GMDS: variants seen among roughly 807,000 people sequenced by gnomAD.
GMDS encodes GDP-mannose 4,6 dehydratase.
In GMDS, 20 loss-of-function variants were observed where a neutral mutation model predicts 49.9. The observed-to-expected ratio is 0.40, with a 90% CI of 0.28 to 0.58. The LOEUF (loss-of-function observed/expected upper bound fraction) is 0.58. GMDS is among the 20% of genes least tolerant of loss of function. The pLI, the probability that GMDS is intolerant of heterozygous loss-of-function variation, is 0.42. For synonymous variants in GMDS, 177 were observed against 178.6 expected (o/e 0.99, Z 0.07); for missense variants, 362 against 481.4 (o/e 0.75, Z 2.32).
intron 1 of GMDS, among the ~76,000 whole-genome samples, chr6:2,226,270 G>A (rs1484875438): frequency 6.6e-6 from 1 of 152,182 alleles, no homozygotes; most frequent in Non-Finnish European, 1.5e-5. Context: ...TGAAGTCAGA[G>A]ACTCTTCTAT....
At chr6:2,076,246 C>T (rs1214987534) in intron 4 of GMDS, among the ~76,000 whole-genome samples, 6 of 152,102 alleles carry the variant, frequency 3.9e-5, no homozygotes. Context: ...TGCAGAAGCT[C>T]TTTAGATTAA....
intron 9 of GMDS, among the ~76,000 whole-genome samples, chr6:1,655,137 C>T (rs889880354): frequency 5.3e-5 from 8 of 151,626 alleles, no homozygotes; most frequent in Non-Finnish European, 8.8e-5. Context: ...CACTAACTCT[C>T]ATTTTTCTTT....
rs183130890 is a variant in GMDS, at chr6:2,057,278, T to C, written c.345+58493A>G. ...GAGACCCTCCCAGGGAGAGGTCTCA[T>C]GATAATATCTTCTACATGTAGTTCA... On this transcript the variant is annotated intron_variant, in intron 4 of 10. Transcript: ENST00000380815. Among the ~76,000 whole-genome samples the C allele has an allele frequency of 3.0e-3, 464 of 152,332 alleles. 4 individuals are homozygous for C. Among genetic ancestry groups the C allele is most frequent in the African/African-American group, 0.01 (434 of 41,578 alleles).
intron 7 of GMDS, among the ~76,000 whole-genome samples, chr6:1,771,252 C>T (rs1443938986): frequency 6.6e-6 from 1 of 152,188 alleles, no homozygotes; most frequent in Non-Finnish European, 1.5e-5. Flanking sequence ...CTGAGGATGG[C>T]TGTGCTGGGG....
intron 7 of GMDS, among the ~76,000 whole-genome samples, chr6:1,926,076 T>C (rs1761991274): frequency 6.6e-6 from 1 of 152,078 alleles, no homozygotes; most frequent in East Asian, 1.9e-4. Flanking sequence ...GAAAACCACC[T>C]TCCCACACCA....
intron 6 of GMDS, among the ~76,000 whole-genome samples, chr6:1,936,220 T>A (rs1300001854): frequency 6.6e-6 from 1 of 152,154 alleles, no homozygotes; most frequent in East Asian, 1.9e-4. Context: ...ACACTAAGAA[T>A]AAAATATCAT....
At chr6:1,821,109 A>G (rs937459851) in intron 7 of GMDS, among the ~76,000 whole-genome samples, 1 of 152,240 alleles carries the variant, frequency 6.6e-6, no homozygotes, top group African/African-American at 2.4e-5. Context: ...TAGCTATCCC[A>G]GAGTGAAAGG....
chr6:2,122,754 T>C (rs1775210005), intron 2 of GMDS, among the ~76,000 whole-genome samples: 1 of 152,216 alleles, frequency 6.6e-6, no homozygotes. Context: ...GAGCTCACAT[T>C]TCCCCTGGAC....
chr6:2,224,826 ATATT>A (rs1780746680), intron 1 of GMDS, among the ~76,000 whole-genome samples: 1 of 152,198 alleles, frequency 6.6e-6, no homozygotes, highest in East Asian at 1.9e-4. Context: ...ACATTAATGA[ATATT>A]TATTAATATT....
intron 9 of GMDS, among the ~76,000 whole-genome samples, chr6:1,666,028 C>A (rs1428538463): frequency 6.6e-6 from 1 of 152,172 alleles, no homozygotes; most frequent in Admixed American, 6.5e-5. Context: ...ACACTGACAG[C>A]CAAGTGGGTC....
At chr6:1,701,327 A>G (rs936458129) in intron 9 of GMDS, among the ~76,000 whole-genome samples, 1 of 152,232 alleles carries the variant, frequency 6.6e-6, no homozygotes, top group Admixed American at 6.5e-5. Flanking sequence ...GTCATTATGT[A>G]TACATAATGT....
chr6:2,137,927 G>A (rs1200963345), intron 1 of GMDS, among the ~76,000 whole-genome samples: 1 of 152,160 alleles, frequency 6.6e-6, no homozygotes, highest in Non-Finnish European at 1.5e-5. Context: ...ATTGTACTCT[G>A]TCCAGCTTCA....
intron 7 of GMDS, among the ~76,000 whole-genome samples, chr6:1,901,772 T>C (rs760970991): frequency 2.6e-5 from 4 of 152,206 alleles, no homozygotes; most frequent in Non-Finnish European, 4.4e-5. Flanking sequence ...GCTCATCCTA[T>C]GTGCTTGTTA....
At chr6:2,198,875 A>C (rs1779387587) in intron 1 of GMDS, among the ~76,000 whole-genome samples, 1 of 152,178 alleles carries the variant, frequency 6.6e-6, no homozygotes, top group South Asian at 2.1e-4. Flanking sequence ...CTCTAAGACC[A>C]CAATTGGTTA....
chr6:2,139,177 T>G (rs1034858497), intron 1 of GMDS, among the ~76,000 whole-genome samples: 46 of 152,210 alleles, frequency 3.0e-4, no homozygotes, highest in African/African-American at 1.1e-3. Flanking sequence ...AACCAAGAAC[T>G]TCTTGTACCC....
intron 7 of GMDS, among the ~76,000 whole-genome samples, chr6:1,891,787 A>ACTAC (rs1581314601): frequency 6.6e-6 from 1 of 152,198 alleles, no homozygotes; most frequent in African/African-American, 2.4e-5. Flanking sequence ...TTTTAACAAG[A>ACTAC]CTACCAGGTC....
At chr6:1,977,016 A>C (rs551542576) in intron 4 of GMDS, among the ~76,000 whole-genome samples, 4 of 152,330 alleles carry the variant, frequency 2.6e-5, no homozygotes, top group Admixed American at 2.6e-4. Flanking sequence ...AGAGGCTGGA[A>C]GAGAATGATG....
intron 1 of GMDS, among the ~76,000 whole-genome samples, chr6:2,168,890 AC>A (rs1360796327): frequency 6.6e-6 from 1 of 152,252 alleles, no homozygotes; most frequent in African/African-American, 2.4e-5. Context: ...CCAACAAAGA[AC>A]AAAAAACTCC....
chr6:1,861,735 C>T (rs986362577), intron 7 of GMDS, among the ~76,000 whole-genome samples: 7 of 152,092 alleles, frequency 4.6e-5, no homozygotes, highest in Admixed American at 2.6e-4. Flanking sequence ...GACCTGGTGT[C>T]GTGGCCTCTT....
Sources: gnomAD v4.1 joint callset for allele counts (sites outside exome capture counted in the v4.1 genomes callset) on GRCh38, gnomAD v4.1.1 for gene constraint, MANE v1.5 for transcripts, NCBI Gene and HGNC (gene_info 2026-07-23, HGNC 2026-07-21) for gene names.